Variants in PHACTR1 observed in about 807,000 individuals in gnomAD.
PHACTR1 encodes the protein RPEL repeat containing 1.
Under a neutral mutation model 69.2 loss-of-function variants are expected in PHACTR1, and 16 were observed. The observed-to-expected ratio is 0.23, with a 90% CI of 0.16 to 0.35. The LOEUF (loss-of-function observed/expected upper bound fraction) is 0.35. Ranked by LOEUF, PHACTR1 falls within the 10% of genes least tolerant of loss-of-function variation. The pLI, the probability that PHACTR1 is intolerant of heterozygous loss-of-function variation, is 1.00. For synonymous variants in PHACTR1, 312 were observed against 284.5 expected (o/e 1.10, Z -0.97); for missense variants, 510 against 734.7 (o/e 0.69, Z 3.54).
intron 4 of PHACTR1, among the ~76,000 whole-genome samples, chr6:12,826,044 C>A (rs1581938207): frequency 6.6e-6 from 1 of 152,278 alleles, no homozygotes; most frequent in African/African-American, 2.4e-5. Flanking sequence ...TGATTTTGTG[C>A]ATGCACATAG....
At chr6:12,840,057 C>T (rs2127741013) in intron 4 of PHACTR1, among the ~76,000 whole-genome samples, 1 of 152,222 alleles carries the variant, frequency 6.6e-6, no homozygotes, top group South Asian at 2.1e-4. Flanking sequence ...GTACTTGCCC[C>T]ATCCTTGCTG....
At chr6:12,835,640 G>A (rs1778079866) in intron 4 of PHACTR1, among the ~76,000 whole-genome samples, 1 of 152,046 alleles carries the variant, frequency 6.6e-6, no homozygotes, top group African/African-American at 2.4e-5. Flanking sequence ...AGTATGAATA[G>A]GGATAGACTA....
At chr6:13,058,740 G>A (rs1305633091) in intron 5 of PHACTR1, among the ~76,000 whole-genome samples, 1 of 152,156 alleles carries the variant, frequency 6.6e-6, no homozygotes, top group Non-Finnish European at 1.5e-5. Flanking sequence ...GTGTAGAAAT[G>A]TAGAAAATGA....
chr6:12,941,339 A>G (rs897655946), intron 4 of PHACTR1, among the ~76,000 whole-genome samples: 17 of 152,312 alleles, frequency 1.1e-4, no homozygotes, highest in African/African-American at 3.8e-4. Context: ...GGCCCACTGC[A>G]GTTGTGGCAC....
intron 4 of PHACTR1, among the ~76,000 whole-genome samples, chr6:12,815,921 G>A (rs546635787): frequency 1.5e-4 from 23 of 152,252 alleles, no homozygotes; most frequent in East Asian, 9.7e-4. Context: ...TTTATGCTCC[G>A]TTTCCAAGTG....
chr6:12,833,439 A>G (rs1480693786), intron 4 of PHACTR1, among the ~76,000 whole-genome samples: 1 of 151,748 alleles, frequency 6.6e-6, no homozygotes, highest in African/African-American at 2.4e-5. Context: ...TTGTATTTTT[A>G]GTTGAGACAG....
intron 4 of PHACTR1, among the ~76,000 whole-genome samples, chr6:12,907,125 T>G (rs546001068): frequency 6.6e-6 from 1 of 152,232 alleles, no homozygotes; most frequent in South Asian, 2.1e-4. Flanking sequence ...TTCCTCTTTT[T>G]AAAGTCCTTT....
At chr6:12,836,808 C>A (rs1400385338) in intron 4 of PHACTR1, among the ~76,000 whole-genome samples, 1 of 152,034 alleles carries the variant, frequency 6.6e-6, no homozygotes, top group Non-Finnish European at 1.5e-5. Context: ...GTTAAGTTTT[C>A]CCTTTGAGAT....
chr6:12,961,288 T>C (rs1464540197), intron 4 of PHACTR1, among the ~76,000 whole-genome samples: 1 of 152,100 alleles, frequency 6.6e-6, no homozygotes, highest in Non-Finnish European at 1.5e-5. Context: ...GAGAAACAAG[T>C]TTCAAAAACA....
At chr6:12,811,641 G>A (rs1775022422) in intron 4 of PHACTR1, among the ~76,000 whole-genome samples, 1 of 152,112 alleles carries the variant, frequency 6.6e-6, no homozygotes, top group African/African-American at 2.4e-5. Flanking sequence ...TCTCCAGTTT[G>A]AGGCTGTTAG....
chr6:12,807,597 C>T (rs7762417), intron 4 of PHACTR1, among the ~76,000 whole-genome samples: 55,893 of 152,082 alleles, frequency 0.37, 11,010 homozygotes, highest in African/African-American at 0.49. Flanking sequence ...TTGTTTAGAA[C>T]GGAAGCATGT....
At chr6:13,284,153 CTGTT>C (rs1318081111) in intron 13 of PHACTR1, among the ~76,000 whole-genome samples, 2 of 152,140 alleles carry the variant, frequency 1.3e-5, no homozygotes, top group Non-Finnish European at 1.5e-5. Flanking sequence ...GAATGAACCT[CTGTT>C]TGGTAATCCT....
chr6:13,247,326 C>CGTGTGTGTGTGTGT (rs60972913), intron 10 of PHACTR1, among the ~76,000 whole-genome samples: 65 of 139,084 alleles, frequency 4.7e-4, no homozygotes, highest in African/African-American at 1.3e-3. Context: ...CAAGTTCCCT[C>CGTGTGTGTGTGTGT]GTGTGTGTGT....
chr6:13,066,940 C>G (rs946076869), intron 5 of PHACTR1, among the ~76,000 whole-genome samples: 1 of 152,152 alleles, frequency 6.6e-6, no homozygotes, highest in African/African-American at 2.4e-5. Flanking sequence ...GCCATGGGAC[C>G]AGCCCAGATT....
At chr6:13,240,653 G>A (rs977059467) in intron 10 of PHACTR1, among the ~76,000 whole-genome samples, 9 of 152,184 alleles carry the variant, frequency 5.9e-5, no homozygotes, top group African/African-American at 9.6e-5. Context: ...TGACCTGTTG[G>A]TTGGGCTGGT....
chr6:12,892,530 C>A (rs142011332), intron 4 of PHACTR1, among the ~76,000 whole-genome samples: 1 of 152,066 alleles, frequency 6.6e-6, no homozygotes, highest in Admixed American at 6.5e-5. Flanking sequence ...AGCGAAGGAC[C>A]GAGTTTGGTT....
chr6:13,034,068 G>C (rs1802892691), intron 4 of PHACTR1, among the ~76,000 whole-genome samples: 1 of 151,600 alleles, frequency 6.6e-6, no homozygotes, highest in South Asian at 2.1e-4. Context: ...CATGCTTGGA[G>C]TGCAGTGGCG....
chr6:12,757,110 G>A (rs995369446), intron 4 of PHACTR1, among the ~76,000 whole-genome samples: 7 of 152,162 alleles, frequency 4.6e-5, no homozygotes, highest in Admixed American at 2.0e-4. Context: ...AAGAGGGTAC[G>A]GCATATGGGA....
intron 5 of PHACTR1, among the ~76,000 whole-genome samples, chr6:13,158,754 C>G (rs949132601): frequency 6.6e-6 from 1 of 152,194 alleles, no homozygotes; most frequent in Non-Finnish European, 1.5e-5. Flanking sequence ...TAAGGTCACT[C>G]GACTCATGTC....
Sources: gnomAD v4.1 joint callset for allele counts (sites outside exome capture counted in the v4.1 genomes callset) on GRCh38, gnomAD v4.1.1 for gene constraint, MANE v1.5 for transcripts, NCBI Gene and HGNC (gene_info 2026-07-23, HGNC 2026-07-21) for gene names.